Variants in RASGRF1 observed in about 807,000 individuals in gnomAD.
RASGRF1 encodes the protein ras-specific guanine nucleotide-releasing factor 1.
In RASGRF1, 40 loss-of-function variants were observed where a neutral mutation model predicts 138.7. The observed-to-expected ratio is 0.29, with a 90% CI of 0.22 to 0.38. The LOEUF is 0.38. Among genes scored for constraint, RASGRF1 ranks in the 10% least tolerant of loss-of-function variants. The pLI is 1.00. For synonymous variants in RASGRF1, 614 were observed against 663.2 expected (o/e 0.93, Z 1.14); for missense variants, 1,108 against 1,650.4 (o/e 0.67, Z 5.69).
chr15:79,023,299 A>T (rs1398296040), intron 10 of RASGRF1, among the ~76,000 whole-genome samples: 2 of 152,230 alleles, frequency 1.3e-5, no homozygotes, highest in Non-Finnish European at 2.9e-5. Context: ...AATTGACAGC[A>T]AATCCACATC....
chr15:78,968,187 A>G (rs889944133), intron 26 of RASGRF1, among the ~76,000 whole-genome samples: 4 of 151,546 alleles, frequency 2.6e-5, no homozygotes, highest in African/African-American at 9.7e-5. Flanking sequence ...CAGTGCTAGG[A>G]TTAAAAGCTC....
rs753000432 is a variant in RASGRF1, at chr15:79,058,306, C to G, written c.531+28G>C. 29 of 1,606,988 alleles carry G rather than the reference C, an allele frequency of 1.8e-5. No individual in the cohort carries two copies. In the South Asian group the frequency reaches 3.2e-4, roughly 18 times the overall value. On this transcript the variant is annotated intron_variant, in intron 3 of 26. Transcript: ENST00000558480. ...GGGTTTGAGATGTTGTGCCTAGGGC[C>G]TGGGCCCACCCCCCAGCCCGCAGTC...
intron 26 of RASGRF1, among the ~76,000 whole-genome samples, chr15:78,967,261 A>C (rs954076789): frequency 6.6e-6 from 1 of 151,738 alleles, no homozygotes; most frequent in Non-Finnish European, 1.5e-5. Flanking sequence ...AAACAAAAAA[A>C]CAGGCCAGGT....
chr15:79,049,050 C>A (rs1187108069), intron 4 of RASGRF1, among the ~76,000 whole-genome samples: 1 of 152,096 alleles, frequency 6.6e-6, no homozygotes, highest in African/African-American at 2.4e-5. Flanking sequence ...GGCTGGACTA[C>A]CGTGCTGGGT....
Position 78,998,081 on chromosome 15 carries a change from A to C in RASGRF1, c.2966+15T>G. Reference sequence around the variant, plus strand: ...AGCAGGCAGTTCTGAGCCAGGAACCAGGTACTGCCTTTACCTGATGATGTT... The same window carrying C: ...AGCAGGCAGTTCTGAGCCAGGAACCCGGTACTGCCTTTACCTGATGATGTT... On this transcript the variant is annotated intron_variant, in intron 19 of 26. Transcript: ENST00000558480. 2 of 1,602,938 alleles carry C rather than the reference A, an allele frequency of 1.2e-6. No individual in the cohort carries two copies. The highest frequency in any genetic ancestry group is 1.7e-6 in the Non-Finnish European group (2 of 1,169,824).
chr15:79,031,353 G>T, intron 8 of RASGRF1, 47 bp downstream of exon 8: 2 of 1,441,028 alleles, frequency 1.4e-6, no homozygotes, highest in Non-Finnish European at 1.9e-6. Flanking sequence ...GGCACCCTCA[G>T]CCCTGCCCTG....
intron 23 of RASGRF1, among the ~76,000 whole-genome samples, chr15:78,982,238 G>A (rs1463338959): frequency 6.6e-6 from 1 of 152,224 alleles, no homozygotes; most frequent in African/African-American, 2.4e-5. Context: ...TGGCCATGCA[G>A]TTCTAGATGA....
intron 11 of RASGRF1, 49 bp downstream of exon 11, chr15:79,019,992 G>C: frequency 6.2e-7 from 1 of 1,601,630 alleles, no homozygotes; most frequent in Non-Finnish European, 8.5e-7. Flanking sequence ...GTGAGCGTGT[G>C]TGTATCTGTG....
intron 2 of RASGRF1, among the ~76,000 whole-genome samples, chr15:79,064,164 C>T (rs1441956088): frequency 6.6e-6 from 1 of 152,162 alleles, no homozygotes; most frequent in Non-Finnish European, 1.5e-5. Context: ...CTTGGTTCTG[C>T]TAATATAAAA....
rs1292039161 is a variant in RASGRF1, at chr15:79,001,732, A to G, written c.2505T>C (p.Asp835=). The G allele has an allele frequency of 6.2e-6, 10 of 1,610,694 alleles. No individual in the cohort carries two copies. In the South Asian group the frequency reaches 9.9e-5, roughly 16 times the overall value. ...TAGTTGGTGATGTTTCAGTATCACCATCATCACTCTGGTTTTGATCAATAT... is the reference window on the plus strand; with the variant it reads ...TAGTTGGTGATGTTTCAGTATCACCGTCATCACTCTGGTTTTGATCAATAT... ...ESDIDQNQSD[D]GDTETSPTKS... is the part of the protein sequence containing the mutation. Residue 835 remains aspartate, a synonymous_variant, in exon 16 of 27, where the codon GAT becomes GAC. Transcript: ENST00000558480.
chr15:79,014,922 AACAAAAAAC>A (rs1435015965), intron 13 of RASGRF1, among the ~76,000 whole-genome samples: 88 of 126,482 alleles, frequency 7.0e-4, no homozygotes, highest in African/African-American at 2.2e-3. Context: ...GTCTCAAAAA[AACAAAAAAC>A]AAAAAACAAA....
rs1198235190 is a variant in RASGRF1 at position 78,960,786 on chromosome 15, A to G, written c.*1358T>C. The G allele has an allele frequency of 6.6e-6, 1 of 152,214 alleles. No individual in the cohort carries two copies. The highest frequency in any genetic ancestry group is 1.5e-5 in the Non-Finnish European group (1 of 68,044). The allele number at this position is 152,214 out of a possible 1,614,324, so 9.4% of individuals were successfully genotyped here. On this transcript the variant is annotated 3_prime_UTR_variant, in exon 27 of 27. Transcript: ENST00000558480. ...CTTCCCCACCAAACTGTTGGTGCCT[A>G]AAAAGCAGGTATGGTGTCCTTGACA...
intron 1 of RASGRF1, among the ~76,000 whole-genome samples, chr15:79,083,418 C>G (rs1319246651): frequency 1.3e-5 from 2 of 152,232 alleles, no homozygotes; most frequent in Non-Finnish European, 2.9e-5. Flanking sequence ...GGCACCGGCT[C>G]CATGCTCCCA....
chr15:79,024,436 C>A (rs1419465603), intron 10 of RASGRF1, among the ~76,000 whole-genome samples: 1 of 151,692 alleles, frequency 6.6e-6, no homozygotes, highest in Non-Finnish European at 1.5e-5. Flanking sequence ...CATACACACA[C>A]CACACACACA....
intron 19 of RASGRF1, among the ~76,000 whole-genome samples, chr15:78,996,850 G>A (rs2056405246): frequency 6.6e-6 from 1 of 152,220 alleles, no homozygotes; most frequent in African/African-American, 2.4e-5. Flanking sequence ...GCCCCAGCAT[G>A]GGGCCTCCAC....
chr15:79,059,217 CCCTA>C (rs2057553849), intron 2 of RASGRF1, among the ~76,000 whole-genome samples: 1 of 117,240 alleles, frequency 8.5e-6, no homozygotes, highest in African/African-American at 3.8e-5. Context: ...CCCTTCCCTT[CCCTA>C]TCCTTCCCTT....
chr15:78,997,682 G>A (rs894058033), intron 19 of RASGRF1, among the ~76,000 whole-genome samples: 1 of 140,332 alleles, frequency 7.1e-6, no homozygotes, highest in East Asian at 2.1e-4. Context: ...GTTACAGTGA[G>A]CCAAGATCAC....
Position 78,998,725 on chromosome 15 carries a change from G to A in RASGRF1, c.2847C>T (p.His949=), listed in dbSNP as rs907918261. The A allele has an allele frequency of 8.1e-6, 13 of 1,613,256 alleles. No homozygotes were observed. Among genetic ancestry groups the A allele is most frequent in the African/African-American group, 6.7e-5 (5 of 74,932 alleles). ...AGGGAGGGCTCCCACCCACCTGAGAGTGCTTGGACACCCAGTGGCGGAGCA... is the reference window on the plus strand; with the variant it reads ...AGGGAGGGCTCCCACCCACCTGAGAATGCTTGGACACCCAGTGGCGGAGCA... ...LNVLRHWVSK[H]SQDFETNDEL... is the part of the protein sequence containing the mutation. Residue 949 remains histidine, a synonymous_variant, in exon 18 of 27, where the codon CAC becomes CAT. Transcript: ENST00000558480.
At chr15:79,013,928 T>C (rs1158701701) in intron 13 of RASGRF1, among the ~76,000 whole-genome samples, 6 of 152,344 alleles carry the variant, frequency 3.9e-5, no homozygotes, top group East Asian at 3.8e-4. Context: ...ATTTTTTAAT[T>C]AGGAAGAGAA....
Sources: allele counts gnomAD v4.1 joint callset (sites outside exome capture counted in the v4.1 genomes callset), GRCh38; gene constraint gnomAD v4.1.1; transcripts MANE v1.5; gene names NCBI Gene and HGNC (gene_info 2026-07-23, HGNC 2026-07-21).